The following CSMD1 variants were observed in gnomAD, a reference collection of about 807,000 sequenced individuals.
The protein encoded by CSMD1 is CUB and sushi domain-containing protein 1.
A neutral mutation model predicts 417.5 loss-of-function variants in CSMD1; 213 were observed. The ratio of observed to expected loss-of-function variants is 0.51; its 90% confidence interval spans 0.46 to 0.57. The LOEUF (loss-of-function observed/expected upper bound fraction) is 0.57. Ranked by LOEUF, CSMD1 falls within the 20% of genes least tolerant of loss-of-function variation. CSMD1 has a pLI of 0.00. For synonymous variants in CSMD1, 2,862 were observed against 1,736.8 expected, an observed-to-expected ratio of 1.65 and a Z score of -16.11; for missense variants, 6,923 against 4,529.7, an observed-to-expected ratio of 1.53 and a Z score of -15.17.
chr8:4,145,159 C>T (rs1315020445), intron 3 of CSMD1, among the ~76,000 whole-genome samples: 6 of 151,084 alleles, frequency 4.0e-5, no homozygotes, highest in Admixed American at 3.3e-4. Flanking sequence ...ATAAAAGGCA[C>T]GAACCCATTC....
chr8:2,977,387 T>C (rs1805017843), intron 55 of CSMD1, among the ~76,000 whole-genome samples: 1 of 152,232 alleles, frequency 6.6e-6, no homozygotes, highest in South Asian at 2.1e-4. Flanking sequence ...TTGCAGAGGA[T>C]AATGGCTTCC....
At chr8:2,949,863 T>G (rs1397665964) in intron 67 of CSMD1, among the ~76,000 whole-genome samples, 1 of 152,144 alleles carries the variant, frequency 6.6e-6, no homozygotes, top group South Asian at 2.1e-4. Context: ...TCTATTTATC[T>G]GGGAATGATT....
intron 25 of CSMD1, among the ~76,000 whole-genome samples, chr8:3,292,793 C>G (rs935846408): frequency 2.6e-5 from 4 of 152,122 alleles, no homozygotes; most frequent in South Asian, 2.1e-4. Context: ...TTGCCAGTCT[C>G]TGTCTTTTAA....
chr8:3,711,753 C>T (rs1318726503), intron 6 of CSMD1, among the ~76,000 whole-genome samples: 2 of 152,176 alleles, frequency 1.3e-5, no homozygotes, highest in Admixed American at 1.3e-4. Context: ...GTATCACCCC[C>T]ACTATCTTGT....
At chr8:3,540,174 T>G (rs770130525) in intron 10 of CSMD1, among the ~76,000 whole-genome samples, 3 of 152,182 alleles carry the variant, frequency 2.0e-5, no homozygotes, top group Admixed American at 2.0e-4. Flanking sequence ...CAGTGACAGT[T>G]TAGTCTTGAA....
chr8:3,064,157 A>C (rs1419856548), intron 49 of CSMD1, among the ~76,000 whole-genome samples: 1 of 152,256 alleles, frequency 6.6e-6, no homozygotes, highest in African/African-American at 2.4e-5. Flanking sequence ...GTTTTCAACA[A>C]AATGAACTTT....
At chr8:4,123,252 G>A (rs1416887564) in intron 3 of CSMD1, among the ~76,000 whole-genome samples, 1 of 152,180 alleles carries the variant, frequency 6.6e-6, no homozygotes, top group Non-Finnish European at 1.5e-5. Flanking sequence ...TGTAGTAAAT[G>A]ATACAGGCTT....
chr8:3,525,230 G>C (rs1000754141), intron 10 of CSMD1, among the ~76,000 whole-genome samples: 3 of 152,132 alleles, frequency 2.0e-5, no homozygotes, highest in Non-Finnish European at 2.9e-5. Flanking sequence ...TTCCTTAGGG[G>C]AGATAGCATC....
intron 19 of CSMD1, among the ~76,000 whole-genome samples, chr8:3,368,266 G>C (rs1809729257): frequency 6.6e-6 from 1 of 152,166 alleles, no homozygotes; most frequent in Admixed American, 6.5e-5. Flanking sequence ...TTCATATTAA[G>C]TCGGGTTCAA....
intron 1 of CSMD1, among the ~76,000 whole-genome samples, chr8:4,862,164 G>C (rs922724878): frequency 6.6e-6 from 1 of 152,040 alleles, no homozygotes; most frequent in Non-Finnish European, 1.5e-5. Context: ...AACGGGAGCT[G>C]AGGTGGGAGT....
chr8:3,490,120 G>A (rs748012783), intron 11 of CSMD1, among the ~76,000 whole-genome samples: 11 of 152,066 alleles, frequency 7.2e-5, no homozygotes, highest in African/African-American at 2.2e-4. Context: ...CTCTGTGTTC[G>A]GTTATTTTTC....
Position 3,123,645 on chromosome 8 carries a change from G to C in CSMD1, c.6242-5058C>G, listed in dbSNP as rs1352836346. ...ATGGAAAGCTGATTGCTGGTTTCTA[G>C]AGGAGGAGAAGCAAATAAAACTAGA... On this transcript the variant is annotated intron_variant, in intron 41 of 69. Coordinates refer to ENST00000635120, the MANE Select transcript of CSMD1 (RefSeq NM_033225.6). Among the ~76,000 whole-genome samples, 3 of 152,070 alleles carry C rather than the reference G, an allele frequency of 2.0e-5. No individual in the cohort carries two copies. In the South Asian group the frequency reaches 6.2e-4, roughly 31 times the overall value.
intron 1 of CSMD1, among the ~76,000 whole-genome samples, chr8:4,729,838 A>G (rs1475742166): frequency 6.6e-6 from 1 of 152,214 alleles, no homozygotes; most frequent in Non-Finnish European, 1.5e-5. Flanking sequence ...AAAAGCAAAG[A>G]TACTCCTAAG....
intron 5 of CSMD1, among the ~76,000 whole-genome samples, chr8:3,828,195 C>A (rs369086285): frequency 6.6e-6 from 1 of 152,078 alleles, no homozygotes; most frequent in South Asian, 2.1e-4. Context: ...AGTATGCAAT[C>A]CTTGATATTC....
At chr8:4,881,650 G>A (rs913445673) in intron 1 of CSMD1, among the ~76,000 whole-genome samples, 1 of 150,720 alleles carries the variant, frequency 6.6e-6, no homozygotes, top group Non-Finnish European at 1.5e-5. Context: ...ACTATGCAAA[G>A]TTTTAAATAC....
At chr8:4,074,495 A>G (rs1355748576) in intron 3 of CSMD1, among the ~76,000 whole-genome samples, 1 of 152,092 alleles carries the variant, frequency 6.6e-6, no homozygotes, top group Non-Finnish European at 1.5e-5. Flanking sequence ...GAAAATCTAA[A>G]GTTTGATACT....
chr8:3,371,774 C>A (rs1168371312), intron 18 of CSMD1, among the ~76,000 whole-genome samples: 1 of 152,020 alleles, frequency 6.6e-6, no homozygotes, highest in African/African-American at 2.4e-5. Flanking sequence ...ATATAAAAAT[C>A]GGCAAAAGAG....
chr8:4,155,301 C>A (rs988106284), intron 3 of CSMD1, among the ~76,000 whole-genome samples: 5 of 152,164 alleles, frequency 3.3e-5, no homozygotes, highest in African/African-American at 1.2e-4. Context: ...GCAGCAAGAT[C>A]AGCGTTTGGG....
At chr8:4,984,010 G>C (rs1382702487) in intron 1 of CSMD1, among the ~76,000 whole-genome samples, 2 of 152,164 alleles carry the variant, frequency 1.3e-5, no homozygotes, top group Non-Finnish European at 2.9e-5. Flanking sequence ...GGGCAGATTT[G>C]AAAAGACTGA....
Sources: gnomAD v4.1 joint callset for allele counts (sites outside exome capture counted in the v4.1 genomes callset) on GRCh38, gnomAD v4.1.1 for gene constraint, MANE v1.5 for transcripts, NCBI Gene and HGNC (gene_info 2026-07-23, HGNC 2026-07-21) for gene names.